FOXF2: variants seen among roughly 807,000 people sequenced by gnomAD.
FOXF2 encodes the protein forkhead box protein F2.
Under a neutral mutation model 29.1 loss-of-function variants are expected in FOXF2, and 15 were observed. That is an observed-to-expected ratio of 0.52 (90% confidence interval 0.35 to 0.79). FOXF2 has a LOEUF of 0.79. Ranked by LOEUF, FOXF2 falls within the 30% of genes least tolerant of loss-of-function variation. FOXF2 has a pLI of 0.01. For missense variants in FOXF2, 675 were observed against 667.1 expected (o/e 1.01, Z -0.13); for synonymous variants, 337 against 316.5 (o/e 1.06, Z -0.69).
intron 1 of FOXF2, among the ~76,000 whole-genome samples, chr6:1,394,131 C>T (rs1561786177): frequency 6.6e-6 from 1 of 152,218 alleles, no homozygotes; most frequent in Non-Finnish European, 1.5e-5. Context: ...TGCTTTTCTG[C>T]CCCATCCCTT....
chr6:1,390,157 G>A lies in FOXF2; in HGVS notation c.210G>A (p.Ser70=), dbSNP rs1758748933. Residue 70 remains serine, a synonymous_variant, in exon 1 of 2, where the codon TCG becomes TCA. Coordinates refer to ENST00000645481, the MANE Select transcript of FOXF2 (RefSeq NM_001452.2). The surrounding 1 kb of genome is among the most constrained non-coding windows in gnomAD (Gnocchi z 8.5). ...CCTCCAATTCGGCCAGCGCCCCCTC[G>A]GCTGCCTGCAAGAGCGCGGGCGGCG... ...SSSSNSASAP[S]AACKSAGGGG... The A allele has an allele frequency of 6.8e-7, 1 of 1,463,080 alleles. No homozygotes were observed. The highest frequency in any genetic ancestry group is 2.4e-5 in the Admixed American group (1 of 42,092). The allele number at this position is 1,463,080 out of a possible 1,614,324, so 90.6% of individuals were successfully genotyped here.
chr6:1,390,555 T>C lies in FOXF2; in HGVS notation c.608T>C (p.Leu203Pro). 6.2e-7 allele frequency: 1 copy of C among 1,606,606 alleles called. No individual in the cohort carries two copies. The highest frequency in any genetic ancestry group is 8.5e-7 in the Non-Finnish European group (1 of 1,178,968). The change falls in exon 1 of 2, where the codon CTC becomes CCC. Residue 203 changes from leucine to proline, a missense_variant. Physicochemically the swap from Leu to Pro is moderately conservative, Grantham distance 98. Around this residue, in one of 3 missense-constraint regions of FOXF2, gnomAD observed 451 missense variants for 437.2 expected, o/e 1.03. Transcript: ENST00000645481. The surrounding 1 kb of genome is among the most constrained non-coding windows in gnomAD (Gnocchi z 8.5). ...PRGFRRKCQA[L>P]KPMYHRVVSG... ...GGCTTCAGGCGGAAGTGCCAGGCGC[T>C]CAAGCCCATGTACCACCGCGTGGTG...
intron 1 of FOXF2, among the ~76,000 whole-genome samples, chr6:1,391,531 T>A (rs1435262311): frequency 1.3e-5 from 2 of 152,224 alleles, no homozygotes; most frequent in Non-Finnish European, 2.9e-5. Context: ...TGCGTTCATT[T>A]TGCTGTACTT....
intron 1 of FOXF2, among the ~76,000 whole-genome samples, chr6:1,393,491 C>T (rs1758837775): frequency 6.6e-6 from 1 of 152,130 alleles, no homozygotes; most frequent in South Asian, 2.1e-4. Context: ...CATCGGGGCT[C>T]GCGGGACAGG....
rs1395399878 is a variant in FOXF2, at chr6:1,390,957, C to A, written c.1010C>A (p.Ala337Glu). ...IECHSPYTSPAAHWSSPGASP... is the reference protein window; with the variant it reads ...IECHSPYTSPEAHWSSPGASP... ...TGCCACTCGCCCTACACGAGCCCTG[C>A]GGCGCACTGGAGCTCGCCTGGCGCC... The change falls in exon 1 of 2, where the codon GCG becomes GAG. Residue 337 changes from alanine (A) to glutamate (E), a missense_variant. Around this residue, in one of 3 missense-constraint regions of FOXF2, gnomAD observed 451 missense variants for 437.2 expected, o/e 1.03. Transcript: ENST00000645481. The surrounding 1 kb of genome is among the most constrained non-coding windows in gnomAD (Gnocchi z 8.5). 1 of 1,591,208 alleles carries A rather than the reference C, an allele frequency of 6.3e-7. No homozygotes were observed.
intron 1 of FOXF2, among the ~76,000 whole-genome samples, chr6:1,392,328 A>G (rs1349941570): frequency 6.6e-6 from 1 of 152,132 alleles, no homozygotes; most frequent in Non-Finnish European, 1.5e-5. Context: ...GCCTGACTTA[A>G]CCCACTGAGA....
At position 1,395,342 on chromosome 6, in the gene FOXF2, G is replaced by C. The variant is rs1378095922; in HGVS notation, c.*483G>C. On this transcript the variant is annotated 3_prime_UTR_variant, in exon 2 of 2. Transcript: ENST00000645481. ...TCCCCAGACACTACATTTGGATACA[G>C]GTGCCAAAGAACATTATTAAGGAAT... 1 of 167,116 alleles carries C rather than the reference G, an allele frequency of 6.0e-6. No homozygotes were observed. The highest frequency in any genetic ancestry group is 2.4e-5 in the African/African-American group (1 of 41,792). 10.4% of individuals were successfully genotyped at this position (167,116 alleles called of 1,614,324 possible). A position where few individuals can be genotyped will look rare whatever the true frequency, so the allele number is the denominator to read the frequency against.
At chr6:1,393,935 G>C (rs1420076004) in intron 1 of FOXF2, among the ~76,000 whole-genome samples, 1 of 152,168 alleles carries the variant, frequency 6.6e-6, no homozygotes, top group Non-Finnish European at 1.5e-5. Flanking sequence ...GAGCCGCCCC[G>C]GGAGAGCAGG....
intron 1 of FOXF2, 59 bp from the exon 2 acceptor site, chr6:1,394,637 C>G: frequency 3.2e-6 from 5 of 1,546,860 alleles, no homozygotes; most frequent in Non-Finnish European, 4.5e-6. Flanking sequence ...AATAAGACAC[C>G]CTGCCATCCA....
chr6:1,394,648 C>T, intron 1 of FOXF2, 48 bp from the exon 2 acceptor site: 3 of 1,595,092 alleles, frequency 1.9e-6, no homozygotes, highest in Non-Finnish European at 1.7e-6. Context: ...CTGCCATCCA[C>T]TGGATGACTT....
chr6:1,395,258 TAAGC>T lies in FOXF2; in HGVS notation c.*401_*404del. The T allele has an allele frequency of 4.6e-6, 1 of 216,952 alleles. No individual in the cohort carries two copies. Among genetic ancestry groups the T allele is most frequent in the Non-Finnish European group, 9.3e-6 (1 of 107,434 alleles). 13.4% of individuals were successfully genotyped at this position (216,952 alleles called of 1,614,324 possible). Reference sequence around the variant, plus strand: ...TGTGTGCTTTTCAAAAAGGCAGTGCTAAGCACAAGATTTCAAGAAAGCCTCTTCT... The same window carrying T: ...TGTGTGCTTTTCAAAAAGGCAGTGCTACAAGATTTCAAGAAAGCCTCTTCT... On this transcript the variant is annotated 3_prime_UTR_variant, in exon 2 of 2. Transcript: ENST00000645481.
chr6:1,392,758 C>A (rs1758817846), intron 1 of FOXF2, among the ~76,000 whole-genome samples: 1 of 152,230 alleles, frequency 6.6e-6, no homozygotes, highest in Non-Finnish European at 1.5e-5. Context: ...ACATTACTGT[C>A]TTGGAGGGGG....
rs764119941 is a variant in FOXF2, at chr6:1,390,197, G to A, written c.250G>A (p.Gly84Arg). ...KSAGGGGAGA[G>R]SGGAKKASSG... ...CGCGGGCGGCGGCGGCGCGGGCGCC[G>A]GGAGCGGGGGCGCCAAGAAGGCGAG... Residue 84 changes from glycine to arginine, a missense_variant, in exon 1 of 2, where the codon GGG becomes AGG. By Grantham distance (125) the Gly-to-Arg change is moderately radical. This residue lies in a region of FOXF2 where 220 missense variants were observed against 205.5 expected (regional missense o/e 1.07). Coordinates refer to ENST00000645481, the MANE Select transcript of FOXF2 (RefSeq NM_001452.2). This position sits in a 1 kb window ranked among gnomAD's most constrained non-coding sequence, Gnocchi z 8.5. 6.7e-7 allele frequency: 1 copy of A among 1,483,322 alleles called. No homozygotes were observed. Among genetic ancestry groups the A allele is most frequent in the South Asian group, 1.3e-5 (1 of 75,360 alleles). The allele number at this position is 1,483,322 out of a possible 1,614,324, so 91.9% of individuals were successfully genotyped here. A position where few individuals can be genotyped will look rare whatever the true frequency, so the allele number is the denominator to read the frequency against.
rs1758758827 is a variant in FOXF2 at position 1,390,472 on chromosome 6, C to T, written c.525C>T (p.Thr175=). The change falls in exon 1 of 2, where the codon ACC becomes ACT. Residue 175 remains threonine (T), a synonymous_variant. Coordinates refer to ENST00000645481, the MANE Select transcript of FOXF2 (RefSeq NM_001452.2). This position sits in a 1 kb window ranked among gnomAD's most constrained non-coding sequence, Gnocchi z 8.5. ...LGRPGKGHYW[T]IDPASEFMFE... is the part of the protein sequence containing the mutation. ...GGCCCGGCAAGGGCCACTACTGGAC[C>T]ATCGACCCGGCCAGCGAGTTCATGT... The T allele has an allele frequency of 6.2e-7, 1 of 1,611,992 alleles. No homozygotes were observed. Among genetic ancestry groups the T allele is most frequent in the Non-Finnish European group, 8.5e-7 (1 of 1,179,910 alleles).
rs754949198 is a variant in FOXF2, at chr6:1,394,739, C to G, written c.1215C>G (p.Asp405Glu). 14 of 1,613,996 alleles carry G rather than the reference C, an allele frequency of 8.7e-6. No individual in the cohort carries two copies. Among genetic ancestry groups the G allele is most frequent in the Non-Finnish European group, 1.1e-5 (13 of 1,179,996 alleles). ...RYQHHSTPVCDRKDFVLNFNG... is the reference protein window; with the variant it reads ...RYQHHSTPVCERKDFVLNFNG... ...AGCATCACTCTACTCCAGTGTGTGA[C>G]AGAAAAGATTTCGTCCTCAACTTCA... is the stretch of plus-strand genomic sequence containing the variant. Residue 405 changes from aspartate to glutamate, a missense_variant, in exon 2 of 2, where the codon GAC (aspartate) becomes GAG (glutamate). By Grantham distance (45) the Asp-to-Glu change is conservative. Around this residue, in one of 3 missense-constraint regions of FOXF2, gnomAD observed 451 missense variants for 437.2 expected, o/e 1.03. Coordinates refer to ENST00000645481, the MANE Select transcript of FOXF2 (RefSeq NM_001452.2).
rs1012838111 is a variant in FOXF2, at chr6:1,390,866, G to A, written c.919G>A (p.Asp307Asn). Reference sequence around the variant, plus strand: ...TGCGGCCGGGGGCGGCGGCGGCGGCGACTACGGGCCGGACAGCAGCAGCAG... The same window carrying A: ...TGCGGCCGGGGGCGGCGGCGGCGGCAACTACGGGCCGGACAGCAGCAGCAG... ...VGAAGGGGGG[D>N]YGPDSSSSPV... Residue 307 changes from aspartate (D) to asparagine (N), a missense_variant, in exon 1 of 2, where the codon GAC (aspartate) becomes AAC (asparagine). Around this residue, in one of 3 missense-constraint regions of FOXF2, gnomAD observed 451 missense variants for 437.2 expected, o/e 1.03. Coordinates refer to ENST00000645481, the MANE Select transcript of FOXF2 (RefSeq NM_001452.2). The surrounding 1 kb of genome is among the most constrained non-coding windows in gnomAD (Gnocchi z 8.5). 6 of 1,456,736 alleles carry A rather than the reference G, an allele frequency of 4.1e-6. No homozygotes were observed. In the African/African-American group the frequency reaches 7.5e-5, roughly 18 times the overall value. The allele number at this position is 1,456,736 out of a possible 1,614,324, so 90.2% of individuals were successfully genotyped here.
chr6:1,389,992 G>A lies in FOXF2; in HGVS notation c.45G>A (p.Ala15=), dbSNP rs983064790. The part of the protein sequence containing the change: ...GGPPPAPLRR[A]CSPVPGALQA... ...CGCCGCCGGCCCCGCTCCGCCGCGC[G>A]TGCAGCCCGGTCCCCGGCGCGCTCC... is the stretch of plus-strand genomic sequence containing the variant. Residue 15 remains alanine, a synonymous_variant, in exon 1 of 2, where the codon GCG becomes GCA. Transcript: ENST00000645481. 22 of 1,048,204 alleles carry A rather than the reference G, an allele frequency of 2.1e-5. No individual in the cohort carries two copies. The highest frequency in any genetic ancestry group is 2.4e-5 in the Non-Finnish European group (21 of 875,574). The allele number at this position is 1,048,204 out of a possible 1,614,324, so 64.9% of individuals were successfully genotyped here.
At chr6:1,391,763 T>C (rs1758792342) in intron 1 of FOXF2, among the ~76,000 whole-genome samples, 1 of 145,028 alleles carries the variant, frequency 6.9e-6, no homozygotes, top group Non-Finnish European at 1.5e-5. Flanking sequence ...TGGACCCACA[T>C]TGATGATACA....
Position 1,390,067 on chromosome 6 carries a change from C to T in FOXF2, c.120C>T (p.Ala40=), listed in dbSNP as rs935260792. The T allele has an allele frequency of 1.4e-5, 20 of 1,398,092 alleles. No homozygotes were observed. The African/African-American group carries it at 2.9e-4, about 20-fold the overall frequency. The allele number at this position is 1,398,092 out of a possible 1,614,324, so 86.6% of individuals were successfully genotyped here. A position where few individuals can be genotyped will look rare whatever the true frequency, so the allele number is the denominator to read the frequency against. Residue 40 remains alanine, a synonymous_variant, in exon 1 of 2, where the codon GCC becomes GCT. Coordinates refer to ENST00000645481, the MANE Select transcript of FOXF2 (RefSeq NM_001452.2). This position sits in a 1 kb window ranked among gnomAD's most constrained non-coding sequence, Gnocchi z 8.5. ...CCGCCGCCGCCGCCGCCGCCGCCGC[C>T]GCCCCGGAGACCACCTCCTCCTCCT... is the stretch of plus-strand genomic sequence containing the variant. The part of the protein sequence containing the change: ...PPPAAAAAAA[A]APETTSSSSS...
Sources: allele counts gnomAD v4.1 joint callset (sites outside exome capture counted in the v4.1 genomes callset), GRCh38; gene constraint gnomAD v4.1.1; regional missense constraint gnomAD v4.1.1; non-coding constraint Gnocchi (gnomAD v3.1); transcripts MANE v1.5; gene names NCBI Gene and HGNC (gene_info 2026-07-23, HGNC 2026-07-21).